Variants in ARHGAP39 observed in about 807,000 individuals in gnomAD.
ARHGAP39 encodes rho GTPase-activating protein 39.
ARHGAP39 carries 44 observed loss-of-function variants against 106.9 expected under a neutral mutation model. The observed-to-expected ratio is 0.41, with a 90% CI of 0.32 to 0.53. ARHGAP39 has a LOEUF of 0.53. ARHGAP39 is among the 20% of genes least tolerant of loss of function. The pLI, the probability that ARHGAP39 is intolerant of heterozygous loss-of-function variation, is 0.21. For synonymous variants in ARHGAP39, 768 were observed against 693.2 expected (o/e 1.11, Z -1.69); for missense variants, 1,496 against 1,577.3 (o/e 0.95, Z 0.87).
intron 1 of ARHGAP39, among the ~76,000 whole-genome samples, chr8:144,682,244 C>CAA (rs1199836499): frequency 1.3e-3 from 40 of 30,566 alleles, no homozygotes; most frequent in African/African-American, 2.7e-3. Flanking sequence ...GACTCTATCT[C>CAA]AAAAAAAAAA....
chr8:144,597,649 G>T (rs1819672484), intron 2 of ARHGAP39, among the ~76,000 whole-genome samples: 1 of 152,208 alleles, frequency 6.6e-6, no homozygotes. Flanking sequence ...GACTTGGGTT[G>T]ATATGAAAAA....
chr8:144,574,406 C>A (rs1009567529), intron 3 of ARHGAP39, among the ~76,000 whole-genome samples: 2 of 152,022 alleles, frequency 1.3e-5, no homozygotes, highest in African/African-American at 4.8e-5. Flanking sequence ...TGTGGTGGCT[C>A]ATGCCTGTAA....
Position 144,600,545 on chromosome 8 carries a change from C to A in ARHGAP39, c.80+4990G>T, listed in dbSNP as rs576696425. On this transcript the variant is annotated intron_variant, in intron 2 of 11. Coordinates refer to ENST00000377307, the MANE Select transcript of ARHGAP39 (RefSeq NM_025251.3). ...GGAGGCGTGCGTGTGCACTTGTGTA[C>A]CTGAGTGTGCGTGTGCGTGGAGGCG... Among the ~76,000 whole-genome samples the A allele has an allele frequency of 1.2e-4, 17 of 139,688 alleles. No individual in the cohort carries two copies. The East Asian group carries it at 3.4e-3, about 28-fold the overall frequency. The allele number at this position is 139,688 out of a possible 152,430, so 91.6% of individuals were successfully genotyped here.
At position 144,547,993 on chromosome 8, in the gene ARHGAP39, G is replaced by T. The variant is rs778151738; in HGVS notation, c.1093C>A (p.Pro365Thr). 100 of 1,610,134 alleles carry T rather than the reference G, an allele frequency of 6.2e-5. No homozygotes were observed. Among genetic ancestry groups the T allele is most frequent in the Non-Finnish European group, 8.1e-5 (96 of 1,179,140 alleles). Reference sequence around the variant, plus strand: ...AGCACCAGCTGCTGGCAGGGCGAGGGGGGGCCCTGCTTGTTGGGCTGGAGG... The same window carrying T: ...AGCACCAGCTGCTGGCAGGGCGAGGTGGGGCCCTGCTTGTTGGGCTGGAGG... The part of the protein sequence containing the change: ...PFLQPNKQGP[P>T]SPCQQLVLTK... The change falls in exon 5 of 12, where the codon CCC (proline) becomes ACC (threonine). Residue 365 changes from proline (P) to threonine (T), a missense_variant. This residue lies in a region of ARHGAP39 where 905 missense variants were observed against 816.4 expected (regional missense o/e 1.11). Coordinates refer to ENST00000377307, the MANE Select transcript of ARHGAP39 (RefSeq NM_025251.3). The surrounding 1 kb of genome is among the most constrained non-coding windows in gnomAD (Gnocchi z 5.2).
At chr8:144,697,688 C>T in the ARHGAP39 span, among the ~76,000 whole-genome samples, 2 of 152,044 alleles carry the variant, frequency 1.3e-5, no homozygotes, top group Non-Finnish European at 2.9e-5. Flanking sequence ...GACAGGGTTT[C>T]ACCATGTTGG....
intron 1 of ARHGAP39, among the ~76,000 whole-genome samples, chr8:144,630,703 T>A (rs773913705): frequency 9.9e-5 from 15 of 152,098 alleles, no homozygotes; most frequent in African/African-American, 3.1e-4. Flanking sequence ...CCCCAGGGGG[T>A]GATCACGTCC....
intron 2 of ARHGAP39, among the ~76,000 whole-genome samples, chr8:144,599,327 G>A (rs1055413314): frequency 1.3e-4 from 20 of 152,204 alleles, no homozygotes; most frequent in African/African-American, 4.6e-4. Flanking sequence ...GAAAAAGGAC[G>A]ACAATCTCGA....
intron 4 of ARHGAP39, among the ~76,000 whole-genome samples, chr8:144,554,716 G>GA (rs1207584380): frequency 6.6e-6 from 1 of 152,174 alleles, no homozygotes. Context: ...GGAAGCTCGG[G>GA]AAGGCTATAA....
intron 7 of ARHGAP39, among the ~76,000 whole-genome samples, chr8:144,536,066 A>G (rs533501740): frequency 6.6e-6 from 1 of 152,282 alleles, no homozygotes; most frequent in East Asian, 1.9e-4. Context: ...GCTGACCTGC[A>G]GTGGGATAGT....
chr8:144,532,207 G>T, intron 10 of ARHGAP39, 98 bp downstream of exon 10: 1 of 974,116 alleles, frequency 1.0e-6, no homozygotes, highest in Middle Eastern at 2.7e-4. Context: ...CACATCACTG[G>T]GCAGGATCAG....
chr8:144,555,432 C>T (rs1817879480), intron 4 of ARHGAP39, 128 bp downstream of exon 4: 4 of 845,718 alleles, frequency 4.7e-6, no homozygotes, highest in African/African-American at 3.3e-5. Context: ...GTGGCCTCCA[C>T]GGCCTTTCCA....
rs1043653772 is a variant in ARHGAP39 at position 144,586,589 on chromosome 8, G to C, written c.81-5312C>G. Reference sequence around the variant, plus strand: ...TGACAGCCTCAGGAGCAGCCTCGGAGTGTGACTCCTTCACAGACACTGGGC... The same window carrying C: ...TGACAGCCTCAGGAGCAGCCTCGGACTGTGACTCCTTCACAGACACTGGGC... On this transcript the variant is annotated intron_variant, in intron 2 of 11. Transcript: ENST00000377307. The surrounding 1 kb of genome is among the most constrained non-coding windows in gnomAD (Gnocchi z 4.2). The C allele has an allele frequency of 6.6e-6, 1 of 152,310 alleles. No homozygotes were observed. The highest frequency in any genetic ancestry group is 1.5e-5 in the Non-Finnish European group (1 of 68,088). The allele number at this position is 152,310 out of a possible 1,614,324, so 9.4% of individuals were successfully genotyped here.
intron 3 of ARHGAP39, among the ~76,000 whole-genome samples, chr8:144,559,444 C>T (rs868147150): frequency 3.4e-4 from 51 of 147,862 alleles, no homozygotes; most frequent in Middle Eastern, 3.6e-3. Flanking sequence ...CAACAGAAAG[C>T]GCAAGTATTG....
chr8:144,688,574 C>T (rs906613348), upstream of ARHGAP39, among the ~76,000 whole-genome samples: 1 of 152,098 alleles, frequency 6.6e-6, no homozygotes, highest in Non-Finnish European at 1.5e-5. Flanking sequence ...AAGGCAACCC[C>T]GTGTCTACAA....
At chr8:144,657,290 A>G (rs948772024) in intron 1 of ARHGAP39, among the ~76,000 whole-genome samples, 1 of 152,016 alleles carries the variant, frequency 6.6e-6, no homozygotes, top group Non-Finnish European at 1.5e-5. Flanking sequence ...AGAAAACAGA[A>G]AAGAGGAAAG....
chr8:144,584,404 G>T (rs374946267), intron 2 of ARHGAP39, among the ~76,000 whole-genome samples: 2 of 152,166 alleles, frequency 1.3e-5, no homozygotes, highest in East Asian at 1.9e-4. Context: ...GATAGAAAGG[G>T]ATCTTAGGAT....
rs938760723 is a variant in ARHGAP39, at chr8:144,677,469, T to C, written c.-82+8217A>G. On this transcript the variant is annotated intron_variant, in intron 1 of 11. Transcript: ENST00000377307. ...AATAAACGGTGATTGAAGAAAGAGA[T>C]GCTATTTCTAGGATGGGTCCTACAG... 4.6e-5 allele frequency among the ~76,000 whole-genome samples: 7 copies of C among 152,316 alleles called. No homozygotes were observed. In the East Asian group the frequency reaches 5.8e-4, roughly 13 times the overall value.
At chr8:144,699,435 T>C in the ARHGAP39 span, among the ~76,000 whole-genome samples, 1 of 11,778 alleles carries the variant, frequency 8.5e-5, no homozygotes, top group East Asian at 3.0e-3. Flanking sequence ...GGTCATAGGT[T>C]GGGGCCTTGA....
chr8:144,611,456 A>G (rs117503844), intron 1 of ARHGAP39, among the ~76,000 whole-genome samples: 3,795 of 152,306 alleles, frequency 0.025, 90 homozygotes, highest in Admixed American at 0.065. Flanking sequence ...GAGAGTCCCA[A>G]CTACAACTGT....
Sources: gnomAD v4.1 joint callset for allele counts (sites outside exome capture counted in the v4.1 genomes callset) on GRCh38, gnomAD v4.1.1 for gene constraint, gnomAD v4.1.1 regional missense constraint, Gnocchi (gnomAD v3.1) non-coding constraint, MANE v1.5 for transcripts, NCBI Gene and HGNC (gene_info 2026-07-23, HGNC 2026-07-21) for gene names.